The following HMBOX1 variants were observed in gnomAD, a reference collection of about 807,000 sequenced individuals.
HMBOX1 encodes homeobox-containing protein 1.
In HMBOX1, 14 loss-of-function variants were observed where a neutral mutation model predicts 54.5. The observed-to-expected ratio is 0.26, with a 90% CI of 0.17 to 0.40. The LOEUF is 0.40. Among genes scored for constraint, HMBOX1 ranks in the 10% least tolerant of loss-of-function variants. HMBOX1 has a pLI of 1.00. For missense variants in HMBOX1, 332 were observed against 514.4 expected (o/e 0.65, Z 3.43); for synonymous variants, 160 against 181.0 (o/e 0.88, Z 0.93).
intron 5 of HMBOX1, 40 bp downstream of exon 5, chr8:29,009,222 GAC>G (rs763347832): frequency 6.8e-7 from 1 of 1,469,796 alleles, no homozygotes; most frequent in Non-Finnish European, 9.5e-7. Flanking sequence ...TCTGAAACAA[GAC>G]AGATATAATG....
chr8:28,906,958 C>G (rs891556788), intron 1 of HMBOX1, among the ~76,000 whole-genome samples: 3 of 152,036 alleles, frequency 2.0e-5, no homozygotes, highest in Non-Finnish European at 4.4e-5. Context: ...TGGTAAATTG[C>G]AAGTCAGTTA....
Position 29,032,925 on chromosome 8 carries a change from T to C in HMBOX1, c.852-12436T>C, listed in dbSNP as rs1803236002. On this transcript the variant is annotated intron_variant, in intron 6 of 9. Transcript: ENST00000287701. ...GCATTCAAATCAATTCGATGATTGA[T>C]AATAATAATCAAAAGATTTAAAGTG... is the stretch of plus-strand genomic sequence containing the variant. Among the ~76,000 whole-genome samples the C allele has an allele frequency of 2.3e-5, 3 of 129,838 alleles. No homozygotes were observed. In the South Asian group the frequency reaches 6.7e-4, roughly 29 times the overall value. 85.2% of individuals were successfully genotyped at this position (129,838 alleles called of 152,430 possible).
intron 2 of HMBOX1, among the ~76,000 whole-genome samples, chr8:28,968,491 C>T (rs1826827717): frequency 6.6e-6 from 1 of 152,192 alleles, no homozygotes; most frequent in Non-Finnish European, 1.5e-5. Flanking sequence ...CAAAACTACA[C>T]TGAGCTTTAG....
chr8:28,965,363 T>C (rs2132295207), intron 2 of HMBOX1, among the ~76,000 whole-genome samples: 1 of 152,334 alleles, frequency 6.6e-6, no homozygotes, highest in Non-Finnish European at 1.5e-5. Context: ...ATCACAGTGT[T>C]TATTGCCATA....
intron 6 of HMBOX1, among the ~76,000 whole-genome samples, chr8:29,024,784 A>G (rs1046542794): frequency 1.3e-5 from 2 of 152,204 alleles, no homozygotes; most frequent in African/African-American, 4.8e-5. Context: ...TGACTAACCC[A>G]TATGCAAATG....
At chr8:28,911,013 G>A (rs1053975200) in intron 1 of HMBOX1, among the ~76,000 whole-genome samples, 10 of 152,268 alleles carry the variant, frequency 6.6e-5, no homozygotes, top group Non-Finnish European at 1.3e-4. Context: ...AAATGACCAC[G>A]TCAGTGTTTC....
rs531855235 is a variant in HMBOX1 at position 28,960,399 on chromosome 8, G to T, written c.-57-3412G>T. Among the ~76,000 whole-genome samples the T allele has an allele frequency of 2.0e-5, 3 of 151,360 alleles. No homozygotes were observed. In the South Asian group the frequency reaches 6.2e-4, roughly 32 times the overall value. ...TGTACATTTTTCCCTAGATTGTTTG[G>T]ATTATATATATGAAATTAAACCTTT... On this transcript the variant is annotated intron_variant, in intron 1 of 9. Transcript: ENST00000287701.
intron 1 of HMBOX1, among the ~76,000 whole-genome samples, chr8:28,959,152 CTTAAG>C (rs1825020462): frequency 6.6e-6 from 1 of 150,816 alleles, no homozygotes; most frequent in Non-Finnish European, 1.5e-5. Flanking sequence ...TTTTTTTTAA[CTTAAG>C]TTGAGAGCTT....
chr8:28,977,651 A>AT (rs1346348858), intron 3 of HMBOX1, among the ~76,000 whole-genome samples: 1 of 152,208 alleles, frequency 6.6e-6, no homozygotes, highest in Non-Finnish European at 1.5e-5. Flanking sequence ...TGTCAAAGAA[A>AT]TATTTCAGGC....
chr8:28,942,023 C>A (rs569955760), intron 1 of HMBOX1, among the ~76,000 whole-genome samples: 1 of 152,196 alleles, frequency 6.6e-6, no homozygotes, highest in South Asian at 2.1e-4. Flanking sequence ...TCAGGCCACC[C>A]CAGTGTGGTA....
chr8:28,980,709 A>G (rs1178744990), intron 4 of HMBOX1, among the ~76,000 whole-genome samples: 2 of 152,042 alleles, frequency 1.3e-5, no homozygotes, highest in Admixed American at 1.3e-4. Flanking sequence ...TATATGTGTC[A>G]TTCTCTATTC....
At chr8:28,999,785 C>T (rs1368256902) in intron 4 of HMBOX1, among the ~76,000 whole-genome samples, 1 of 151,910 alleles carries the variant, frequency 6.6e-6, no homozygotes, top group Admixed American at 6.6e-5. Flanking sequence ...AGGCATTTTT[C>T]TCATACTTTC....
chr8:29,004,823 T>G (rs1488925893), intron 4 of HMBOX1, among the ~76,000 whole-genome samples: 1 of 152,052 alleles, frequency 6.6e-6, no homozygotes, highest in Non-Finnish European at 1.5e-5. Context: ...TCAAAGCTGA[T>G]AGTATCGAGA....
chr8:28,968,098 T>C lies in HMBOX1; in HGVS notation c.24-1945T>C, dbSNP rs551706184. Among the ~76,000 whole-genome samples the C allele has an allele frequency of 2.0e-5, 3 of 152,300 alleles. No individual in the cohort carries two copies. In the South Asian group the frequency reaches 6.2e-4, roughly 32 times the overall value. On this transcript the variant is annotated intron_variant, in intron 2 of 9. Coordinates refer to ENST00000287701, the MANE Select transcript of HMBOX1 (RefSeq NM_001135726.3). Reference sequence around the variant, plus strand: ...AGGTAATGCAGATTCATATGGAAATTGTGTATATGATAAAGGCAGCATTTC... The same window carrying C: ...AGGTAATGCAGATTCATATGGAAATCGTGTATATGATAAAGGCAGCATTTC...
intron 1 of HMBOX1, among the ~76,000 whole-genome samples, chr8:28,956,345 T>C (rs1257129077): frequency 6.6e-6 from 1 of 152,022 alleles, no homozygotes; most frequent in Non-Finnish European, 1.5e-5. Flanking sequence ...TAATAGGAAA[T>C]TTTTAACGTT....
intron 1 of HMBOX1, among the ~76,000 whole-genome samples, chr8:28,956,118 G>T (rs1824387106): frequency 6.6e-6 from 1 of 152,068 alleles, no homozygotes; most frequent in Non-Finnish European, 1.5e-5. Context: ...CTTTCCAAAT[G>T]ATGTCATAAT....
intron 4 of HMBOX1, among the ~76,000 whole-genome samples, chr8:28,981,310 G>T (rs1586253786): frequency 6.6e-6 from 1 of 152,160 alleles, no homozygotes; most frequent in South Asian, 2.1e-4. Context: ...GTCCTTCGGT[G>T]TAGAAGTCTT....
chr8:28,981,704 T>C (rs532902921), intron 4 of HMBOX1, among the ~76,000 whole-genome samples: 11 of 152,278 alleles, frequency 7.2e-5, no homozygotes, highest in Admixed American at 2.6e-4. Context: ...AAATAGTAGC[T>C]TTGAAACCCA....
At chr8:29,049,557 G>T in intron 9 of HMBOX1, 1 of 1,049,532 alleles carries the variant, frequency 9.5e-7, no homozygotes, top group South Asian at 2.1e-5. Flanking sequence ...GGTTCTTCCA[G>T]AGTCTCTGGC....
Sources: allele counts gnomAD v4.1 joint callset (sites outside exome capture counted in the v4.1 genomes callset), GRCh38; gene constraint gnomAD v4.1.1; transcripts MANE v1.5; gene names NCBI Gene and HGNC (gene_info 2026-07-23, HGNC 2026-07-21).